Variants in GPHN observed in about 807,000 individuals in gnomAD.
GPHN encodes the protein gephyrin.
A neutral mutation model predicts 95.5 loss-of-function variants in GPHN; 17 were observed. That is an observed-to-expected ratio of 0.18 (90% confidence interval 0.12 to 0.27). The LOEUF (loss-of-function observed/expected upper bound fraction) is 0.27, where lower values mean the gene tolerates loss of function less well. Ranked by LOEUF, GPHN falls within the 10% of genes least tolerant of loss-of-function variation. GPHN has a pLI of 1.00. For missense variants in GPHN, 660 were observed against 978.1 expected, an observed-to-expected ratio of 0.67 and a Z score of 4.34; for synonymous variants, 320 against 322.5, an observed-to-expected ratio of 0.99 and a Z score of 0.08.
chr14:66,540,420 A>G (rs1038458558), intron 1 of GPHN, among the ~76,000 whole-genome samples: 1 of 152,202 alleles, frequency 6.6e-6, no homozygotes, highest in African/African-American at 2.4e-5. Context: ...CTTTTGAAGG[A>G]AAGTGGAGTG....
the GPHN span, among the ~76,000 whole-genome samples, chr14:67,577,120 G>A: frequency 6.6e-6 from 1 of 152,126 alleles, no homozygotes. Context: ...CTTATATGAG[G>A]GTGCTCATTG....
intron 2 of GPHN, among the ~76,000 whole-genome samples, chr14:66,716,110 C>G (rs1228484340): frequency 6.6e-6 from 1 of 152,010 alleles, no homozygotes; most frequent in Non-Finnish European, 1.5e-5. Flanking sequence ...ATTAAAGTTC[C>G]CCACTATTAT....
the GPHN span, chr14:67,320,309 C>T: frequency 1.2e-6 from 2 of 1,613,588 alleles, no homozygotes; most frequent in South Asian, 2.2e-5. Context: ...GACCTATCAT[C>T]TTGATTGGTC....
At chr14:67,322,960 G>A in the GPHN span, among the ~76,000 whole-genome samples, 1 of 152,150 alleles carries the variant, frequency 6.6e-6, no homozygotes, top group Non-Finnish European at 1.5e-5. Flanking sequence ...TCTTGCACAT[G>A]TGAAGTTATG....
chr14:67,153,592 A>G (rs1039785534), intron 18 of GPHN, among the ~76,000 whole-genome samples: 1 of 152,210 alleles, frequency 6.6e-6, no homozygotes, highest in Non-Finnish European at 1.5e-5. Context: ...GGGGAGGGAC[A>G]TATTCAGTCC....
At chr14:67,676,733 CTG>C in the GPHN span, 1 of 152,200 alleles carries the variant, frequency 6.6e-6, no homozygotes, top group South Asian at 2.1e-4. Flanking sequence ...TAGCTAGACT[CTG>C]GAACAAATTA....
rs1354329719 is a variant in GPHN, at chr14:66,676,502, GT to G, written c.65-4602del. ...CTTTCTATACTTAATTTTTTAGAGT[GT>G]TTATTATGAAGGGAGTTGAATTTTA... On this transcript the variant is annotated intron_variant, in intron 1 of 22. Transcript: ENST00000478722. Among the ~76,000 whole-genome samples, 4 of 152,058 alleles carry G rather than the reference GT, an allele frequency of 2.6e-5. No individual in the cohort carries two copies. In the East Asian group the frequency reaches 5.8e-4, roughly 22 times the overall value.
At chr14:67,355,829 CAA>C in the GPHN span, among the ~76,000 whole-genome samples, 2 of 130,512 alleles carry the variant, frequency 1.5e-5, no homozygotes, top group Admixed American at 7.7e-5. Context: ...CCTGTCTCTA[CAA>C]AAAAAAAAAA....
chr14:67,274,920 A>C, the GPHN span, among the ~76,000 whole-genome samples: 3 of 151,706 alleles, frequency 2.0e-5, no homozygotes, highest in East Asian at 3.9e-4. Flanking sequence ...TTGGCTCTCT[A>C]TTTGTCTGTT....
At chr14:66,867,530 C>T in intron 4 of GPHN, among the ~76,000 whole-genome samples, 1 of 151,954 alleles carries the variant, frequency 6.6e-6, no homozygotes, top group East Asian at 1.9e-4. Context: ...TACATGATGT[C>T]CCAAGAAAAA....
the GPHN span, chr14:67,557,524 C>T: frequency 9.0e-6 from 9 of 994,816 alleles, no homozygotes; most frequent in African/African-American, 4.8e-5. Flanking sequence ...CTGGGGAACT[C>T]GCTCCCTCCT....
chr14:67,207,611 T>A, the GPHN span, among the ~76,000 whole-genome samples: 22 of 152,090 alleles, frequency 1.4e-4, no homozygotes, highest in Non-Finnish European at 2.6e-4. Flanking sequence ...ATGAAGGACA[T>A]TAGAAAGTTG....
chr14:66,702,581 A>G (rs2068658560), intron 2 of GPHN, among the ~76,000 whole-genome samples: 2 of 152,310 alleles, frequency 1.3e-5, no homozygotes, highest in South Asian at 2.1e-4. Context: ...TTGAAAAACA[A>G]TTAAAGAGAA....
At chr14:67,614,297 T>A in the GPHN span, among the ~76,000 whole-genome samples, 1 of 152,156 alleles carries the variant, frequency 6.6e-6, no homozygotes, top group African/African-American at 2.4e-5. Flanking sequence ...TTACGATGGA[T>A]GAGGAAAGGT....
intron 2 of GPHN, among the ~76,000 whole-genome samples, chr14:66,729,312 A>T (rs1216369416): frequency 1.3e-5 from 2 of 152,180 alleles, no homozygotes; most frequent in Non-Finnish European, 2.9e-5. Context: ...AAATCCAAAA[A>T]AAGTTGAAAT....
At chr14:67,272,324 C>T in the GPHN span, among the ~76,000 whole-genome samples, 2 of 152,140 alleles carry the variant, frequency 1.3e-5, no homozygotes, top group Non-Finnish European at 2.9e-5. Context: ...ATCTTCCCAC[C>T]TTTGGTTCAT....
chr14:67,348,988 A>G, the GPHN span: 6 of 1,559,062 alleles, frequency 3.8e-6, no homozygotes, highest in South Asian at 6.7e-5. Context: ...TAATTTTAAA[A>G]TGTCACCTCT....
intron 12 of GPHN, among the ~76,000 whole-genome samples, chr14:67,098,532 A>C (rs2077517707): frequency 6.6e-6 from 1 of 152,038 alleles, no homozygotes; most frequent in Non-Finnish European, 1.5e-5. Flanking sequence ...AAAATGGGTC[A>C]GGCGCGGTGG....
At chr14:66,642,205 T>C (rs1194367175) in intron 1 of GPHN, among the ~76,000 whole-genome samples, 1 of 152,058 alleles carries the variant, frequency 6.6e-6, no homozygotes, top group East Asian at 1.9e-4. Flanking sequence ...TTACAGACAA[T>C]TAAGATAGTA....
Sources: gnomAD v4.1 joint callset for allele counts (sites outside exome capture counted in the v4.1 genomes callset) on GRCh38, gnomAD v4.1.1 for gene constraint, MANE v1.5 for transcripts, NCBI Gene and HGNC (gene_info 2026-07-23, HGNC 2026-07-21) for gene names.